The following C10orf90 variants were observed in gnomAD, a reference collection of about 807,000 sequenced individuals.
C10orf90 encodes chromosome 10 open reading frame 90.
A neutral mutation model predicts 62.5 loss-of-function variants in C10orf90; 56 were observed. The ratio of observed to expected loss-of-function variants is 0.90; its 90% CI spans 0.72 to 1.12. C10orf90 has a LOEUF of 1.12. Among genes scored for constraint, C10orf90 ranks in the 50% most tolerant of loss-of-function variants. The pLI, the probability that C10orf90 is intolerant of heterozygous loss-of-function variation, is 0.00. For missense variants in C10orf90, 970 were observed against 880.4 expected, an observed-to-expected ratio of 1.10 and a Z score of -1.29; for synonymous variants, 386 against 340.4, an observed-to-expected ratio of 1.13 and a Z score of -1.47.
At chr10:126,496,923 G>A (rs188723380) in intron 4 of C10orf90, among the ~76,000 whole-genome samples, 19 of 152,298 alleles carry the variant, frequency 1.2e-4, no homozygotes, top group East Asian at 7.7e-4. Flanking sequence ...GAATCCTGCC[G>A]TCCAGGAATG....
intron 2 of C10orf90, among the ~76,000 whole-genome samples, chr10:126,602,976 A>AGAGAGAGACAGAGT (rs1254570644): frequency 2.6e-5 from 4 of 151,844 alleles, no homozygotes; most frequent in African/African-American, 9.7e-5. Context: ...AGGGAGAGAG[A>AGAGAGAGACAGAGT]GAGAGAGACA....
intron 1 of C10orf90, among the ~76,000 whole-genome samples, chr10:126,647,902 G>T (rs534206996): frequency 6.6e-6 from 1 of 152,298 alleles, no homozygotes; most frequent in East Asian, 1.9e-4. Context: ...CCAGGAATCA[G>T]ATTGGGCCAG....
At position 126,426,057 on chromosome 10, in the gene C10orf90, T is replaced by C. The variant is rs541811427; in HGVS notation, c.2286A>G (p.Lys762=). Residue 762 remains lysine (K), a synonymous_variant, in exon 9 of 10, where the codon AAA becomes AAG. Transcript: ENST00000488181. ...TCACCCTTTTCCTTTGTTCTTCTTT[T>C]TTCTTTTTAACTTCCGGCAAGTTAT... ...IYDNLPEVKK[K]KEEQRKRVIL... is the part of the protein sequence containing the mutation. 4 of 1,614,192 alleles carry C rather than the reference T, an allele frequency of 2.5e-6. No homozygotes were observed. Among genetic ancestry groups the C allele is most frequent in the East Asian group, 2.2e-5 (1 of 44,878 alleles).
At chr10:126,445,066 T>G (rs187903594) in intron 7 of C10orf90, among the ~76,000 whole-genome samples, 262 of 152,290 alleles carry the variant, frequency 1.7e-3, no homozygotes, top group African/African-American at 5.8e-3. Context: ...GTAAATATTC[T>G]AGAAGATAAC....
At chr10:126,565,051 A>ATATAT (rs1844307927) in intron 2 of C10orf90, among the ~76,000 whole-genome samples, 3 of 7,980 alleles carry the variant, frequency 3.8e-4, no homozygotes, top group Non-Finnish European at 8.4e-4. Context: ...ATAATATATA[A>ATATAT]TATATAAAAT....
At chr10:126,626,230 C>T (rs919614757) in intron 2 of C10orf90, among the ~76,000 whole-genome samples, 23 of 152,200 alleles carry the variant, frequency 1.5e-4, no homozygotes, top group African/African-American at 5.3e-4. Flanking sequence ...ACAGAAGGCC[C>T]CAGGGAAGGC....
intron 4 of C10orf90, among the ~76,000 whole-genome samples, chr10:126,490,557 G>T (rs1350337498): frequency 1.3e-5 from 2 of 151,926 alleles, no homozygotes; most frequent in African/African-American, 4.8e-5. Flanking sequence ...TGGTGATGAT[G>T]GTTGCAAAAC....
In C10orf90 at chr10:126,656,530, A is replaced by C. The variant is rs114754172; in HGVS notation, c.241-9893T>G. Among the ~76,000 whole-genome samples the C allele has an allele frequency of 7.1e-3, 1,077 of 152,366 alleles. 14 individuals are homozygous for C. Among genetic ancestry groups the C allele is most frequent in the African/African-American group, 0.025 (1,041 of 41,588 alleles). On this transcript the variant is annotated intron_variant, in intron 1 of 9. Coordinates refer to ENST00000488181, the MANE Select transcript of C10orf90 (RefSeq NM_001350921.2). ...CAAGCCCTTGCTCCTCTGCTGCCTC[A>C]GTAGAACATCATTTCTTTAATTAAG... is the stretch of plus-strand genomic sequence containing the variant.
intron 3 of C10orf90, among the ~76,000 whole-genome samples, chr10:126,506,243 A>G (rs1213434232): frequency 2.6e-5 from 4 of 152,240 alleles, no homozygotes; most frequent in Admixed American, 6.5e-5. Context: ...TTAACAAAGC[A>G]TCTAACCAGG....
At chr10:126,517,832 C>A (rs2133930951) in intron 2 of C10orf90, among the ~76,000 whole-genome samples, 1 of 149,236 alleles carries the variant, frequency 6.7e-6, no homozygotes, top group African/African-American at 2.5e-5. Flanking sequence ...ATCGCTTGAA[C>A]CCAGGAGGTA....
intron 2 of C10orf90, among the ~76,000 whole-genome samples, chr10:126,594,006 A>G (rs1015213189): frequency 6.6e-6 from 1 of 152,022 alleles, no homozygotes; most frequent in Non-Finnish European, 1.5e-5. Context: ...GGATCAGCCC[A>G]GGGAGGGAAC....
chr10:126,611,033 C>A (rs890900194), intron 2 of C10orf90, among the ~76,000 whole-genome samples: 3 of 152,114 alleles, frequency 2.0e-5, no homozygotes, highest in African/African-American at 7.2e-5. Flanking sequence ...GTGTATAAAT[C>A]AATGGTTTTT....
intron 1 of C10orf90, among the ~76,000 whole-genome samples, chr10:126,665,627 C>T (rs1473902193): frequency 1.3e-5 from 2 of 152,076 alleles, no homozygotes; most frequent in Non-Finnish European, 2.9e-5. Context: ...AGATATTGAA[C>T]AACAAGCAAT....
Position 126,575,795 on chromosome 10 carries a change from T to A in C10orf90, c.314-61856A>T, listed in dbSNP as rs77168357. Among the ~76,000 whole-genome samples the A allele has an allele frequency of 3.3e-3, 500 of 152,144 alleles. 3 individuals carry two copies. The highest frequency in any genetic ancestry group is 0.012 in the African/African-American group (491 of 41,556). ...ATCTACATATCTTTAGCCAACTGATTTTTGACAAAGGTGCCAAGAACACTC... is the reference window on the plus strand; with the variant it reads ...ATCTACATATCTTTAGCCAACTGATATTTGACAAAGGTGCCAAGAACACTC... On this transcript the variant is annotated intron_variant, in intron 2 of 9. Transcript: ENST00000488181.
intron 2 of C10orf90, among the ~76,000 whole-genome samples, chr10:126,555,690 A>AAAT (rs1412353891): frequency 7.0e-6 from 1 of 142,928 alleles, no homozygotes; most frequent in African/African-American, 2.9e-5. Context: ...GTAAATAAAT[A>AAAT]AATAAATAAA....
At chr10:126,549,965 T>TC in intron 2 of C10orf90, among the ~76,000 whole-genome samples, 1 of 151,300 alleles carries the variant, frequency 6.6e-6, no homozygotes, top group East Asian at 1.9e-4. Flanking sequence ...TTCTTTTTTT[T>TC]TTTTTTTTTT....
At chr10:126,537,374 A>G (rs1451583778) in intron 2 of C10orf90, among the ~76,000 whole-genome samples, 1 of 152,190 alleles carries the variant, frequency 6.6e-6, no homozygotes, top group Non-Finnish European at 1.5e-5. Flanking sequence ...CCTTCCTAGA[A>G]AATGAGAAAG....
chr10:126,444,234 C>A (rs779744607), intron 7 of C10orf90, among the ~76,000 whole-genome samples: 1 of 152,064 alleles, frequency 6.6e-6, no homozygotes, highest in African/African-American at 2.4e-5. Flanking sequence ...GTCAAACTGT[C>A]ACTGTTTGCT....
chr10:126,494,056 G>A (rs941633150), intron 4 of C10orf90, among the ~76,000 whole-genome samples: 3 of 152,176 alleles, frequency 2.0e-5, no homozygotes, highest in Admixed American at 6.5e-5. Context: ...TGAAGGTTCA[G>A]GAGAGGATGT....
Sources: gnomAD v4.1 joint callset for allele counts (sites outside exome capture counted in the v4.1 genomes callset) on GRCh38, gnomAD v4.1.1 for gene constraint, MANE v1.5 for transcripts, NCBI Gene and HGNC (gene_info 2026-07-23, HGNC 2026-07-21) for gene names.